APPL2: variants seen among roughly 807,000 people sequenced by gnomAD.
APPL2 encodes the protein DCC-interacting protein 13-beta.
A neutral mutation model predicts 92.7 loss-of-function variants in APPL2; 84 were observed. The ratio of observed to expected loss-of-function variants is 0.91; its 90% CI spans 0.76 to 1.09. The LOEUF (loss-of-function observed/expected upper bound fraction) is 1.09. Among genes scored for constraint, APPL2 ranks in the 50% least tolerant of loss-of-function variants. The pLI is 0.00. For synonymous variants in APPL2, 291 were observed against 291.0 expected, an observed-to-expected ratio of 1.00 and a Z score of 0.00; for missense variants, 736 against 824.5, an observed-to-expected ratio of 0.89 and a Z score of 1.31.
At chr12:105,228,502 G>A (rs1452332243) in intron 2 of APPL2, among the ~76,000 whole-genome samples, 2 of 152,186 alleles carry the variant, frequency 1.3e-5, no homozygotes, top group Non-Finnish European at 2.9e-5. Context: ...ATAATATTGT[G>A]ATGTGTTCAA....
At chr12:105,177,354 C>T in intron 17 of APPL2, 92 bp from the exon 18 acceptor site, 4 of 1,350,124 alleles carry the variant, frequency 3.0e-6, no homozygotes, top group Non-Finnish European at 4.2e-6. Flanking sequence ...AATACAAATT[C>T]CCCGAAATAG....
chr12:105,213,730 C>T (rs1889407315), intron 4 of APPL2, among the ~76,000 whole-genome samples: 1 of 152,170 alleles, frequency 6.6e-6, no homozygotes, highest in Non-Finnish European at 1.5e-5. Context: ...ATTTTTTCAA[C>T]CTGGTTTAGG....
chr12:105,182,885 C>T (rs891114083), intron 17 of APPL2, among the ~76,000 whole-genome samples: 1 of 152,104 alleles, frequency 6.6e-6, no homozygotes. Context: ...GTGTGGGAGT[C>T]TAAGTCTCTT....
chr12:105,211,030 T>C (rs543471895), intron 5 of APPL2, among the ~76,000 whole-genome samples, 200 bp downstream of exon 5: 1 of 152,346 alleles, frequency 6.6e-6, no homozygotes, highest in African/African-American at 2.4e-5. Context: ...TTTCCACACC[T>C]GTCTTCTCAC....
chr12:105,177,305 A>C lies in APPL2; in HGVS notation c.1635-43T>G, dbSNP rs185158969. 3.1e-4 allele frequency: 483 copies of C among 1,573,592 alleles called. 2 individuals are homozygous for C. Among genetic ancestry groups the C allele is most frequent in the Non-Finnish European group, 4.1e-4 (466 of 1,143,418 alleles). On this transcript the variant is annotated intron_variant, in intron 17 of 20. Transcript: ENST00000258530. ...ACATTATGTCACAAATGTTGGATAA[A>C]TTTAATATTCCTAGAAGAGTTTGTA... is the stretch of plus-strand genomic sequence containing the variant.
chr12:105,227,871 C>A (rs1471314590), intron 2 of APPL2, among the ~76,000 whole-genome samples: 4 of 152,194 alleles, frequency 2.6e-5, no homozygotes, highest in Non-Finnish European at 5.9e-5. Flanking sequence ...AAATAATCAA[C>A]ATAAAAGCCC....
chr12:105,199,899 A>G (rs530547660), intron 9 of APPL2, among the ~76,000 whole-genome samples: 7 of 151,698 alleles, frequency 4.6e-5, no homozygotes, highest in African/African-American at 1.7e-4. Flanking sequence ...TCTCACTGCA[A>G]GCTCCGCCCC....
intron 17 of APPL2, among the ~76,000 whole-genome samples, chr12:105,179,709 G>C (rs11112399): frequency 0.043 from 6,613 of 152,250 alleles, 485 homozygotes; most frequent in African/African-American, 0.15. Flanking sequence ...TTGTGGTTTT[G>C]ATTTGCATTT....
At chr12:105,196,547 T>C (rs555169298) in intron 11 of APPL2, among the ~76,000 whole-genome samples, 29 of 149,300 alleles carry the variant, frequency 1.9e-4, no homozygotes, top group Admixed American at 1.4e-3. Context: ...GCGATTCTCC[T>C]GCCTCAGCCT....
intron 14 of APPL2, among the ~76,000 whole-genome samples, chr12:105,194,656 A>G (rs755901012): frequency 3.5e-4 from 53 of 152,148 alleles, no homozygotes; most frequent in Admixed American, 1.8e-3. Flanking sequence ...ACTCCACTGC[A>G]CTCCAGCCCA....
chr12:105,218,221 A>T (rs1342354581), intron 2 of APPL2, among the ~76,000 whole-genome samples: 1 of 152,254 alleles, frequency 6.6e-6, no homozygotes, highest in African/African-American at 2.4e-5. Context: ...TTTTGTTCAG[A>T]CATTTGGAAA....
chr12:105,226,871 A>G (rs1890548564), intron 2 of APPL2, among the ~76,000 whole-genome samples: 1 of 152,152 alleles, frequency 6.6e-6, no homozygotes. Flanking sequence ...AGTTCTAGCT[A>G]CTCAGAAGGC....
rs1886915999 is a variant in APPL2 at position 105,188,400 on chromosome 12, C to A, written c.1507G>T (p.Ala503Ser). 6.2e-7 allele frequency: 1 copy of A among 1,614,168 alleles called. No individual in the cohort carries two copies. The part of the protein sequence containing the change: ...MFIVRFLGSM[A>S]VKTDSTTEVI... ...TCAGTAGTGCTGTCTGTTTTAACTG[C>A]CATTGATCCCAAAAACCGAACTATA... is the stretch of plus-strand genomic sequence containing the variant. The change falls in exon 17 of 21, where the codon GCA becomes TCA. Residue 503 changes from alanine to serine, a missense_variant. Transcript: ENST00000258530.
intron 17 of APPL2, among the ~76,000 whole-genome samples, chr12:105,187,977 A>C (rs1886878270): frequency 6.6e-6 from 1 of 152,028 alleles, no homozygotes; most frequent in Admixed American, 6.5e-5. Flanking sequence ...ATGAAAAAAA[A>C]AAAGCAAAAC....
intron 4 of APPL2, among the ~76,000 whole-genome samples, chr12:105,211,593 T>G (rs1889222644): frequency 6.6e-6 from 1 of 152,176 alleles, no homozygotes; most frequent in Non-Finnish European, 1.5e-5. Flanking sequence ...AGACTCTGCT[T>G]CTTCTGTGTT....
In APPL2 at chr12:105,217,037, T is replaced by A. The variant is rs774387174; in HGVS notation, c.285+32A>T. ...CAACAAAAGAAAGTTCGAGAAAGAATCAAATACAAATTTTCTATGTTGCTA... is the reference window on the plus strand; with the variant it reads ...CAACAAAAGAAAGTTCGAGAAAGAAACAAATACAAATTTTCTATGTTGCTA... On this transcript the variant is annotated intron_variant, in intron 4 of 20. Coordinates refer to ENST00000258530, the MANE Select transcript of APPL2 (RefSeq NM_018171.5). 2.0e-5 allele frequency: 30 copies of A among 1,489,082 alleles called. No individual in the cohort carries two copies. In the East Asian group the frequency reaches 3.9e-4, roughly 19 times the overall value. 92.2% of individuals were successfully genotyped at this position (1,489,082 alleles called of 1,614,324 possible).
intron 17 of APPL2, among the ~76,000 whole-genome samples, chr12:105,186,622 T>TATGATATTG (rs375988140): frequency 0.1 from 12,663 of 125,692 alleles, 756 homozygotes; most frequent in East Asian, 0.25. Flanking sequence ...ATATCATATA[T>TATGATATTG]ATATCATATA....
intron 2 of APPL2, among the ~76,000 whole-genome samples, chr12:105,227,336 G>A (rs1890588069): frequency 6.6e-6 from 1 of 152,054 alleles, no homozygotes; most frequent in African/African-American, 2.4e-5. Context: ...TGCATAGTTT[G>A]CCTATCTATA....
chr12:105,207,250 C>T (rs771054486), intron 7 of APPL2, 43 bp from the exon 8 acceptor site: 24 of 1,566,866 alleles, frequency 1.5e-5, no homozygotes, highest in East Asian at 1.4e-4. Flanking sequence ...GTCTACTGTA[C>T]GTGACAATTC....
Sources: gnomAD v4.1 joint callset for allele counts (sites outside exome capture counted in the v4.1 genomes callset) on GRCh38, gnomAD v4.1.1 for gene constraint, MANE v1.5 for transcripts, NCBI Gene and HGNC (gene_info 2026-07-23, HGNC 2026-07-21) for gene names.